PAICS: variants seen among roughly 807,000 people sequenced by gnomAD.
PAICS encodes the protein phosphoribosylaminoimidazole carboxylase and phosphoribosylaminoimidazolesuccinocarboxamide synthase.
PAICS carries 33 observed loss-of-function variants against 53.7 expected under a neutral mutation model. The ratio of observed to expected loss-of-function variants is 0.61; its 90% confidence interval spans 0.47 to 0.82. The LOEUF is 0.82. Ranked by LOEUF, PAICS falls within the 40% of genes least tolerant of loss-of-function variation. The probability of loss-of-function intolerance (pLI) is 0.00; values close to 1 mark genes in which losing one functional copy is unlikely to be tolerated. For missense variants in PAICS, 394 were observed against 494.1 expected (o/e 0.80, Z 1.92); for synonymous variants, 141 against 167.2 (o/e 0.84, Z 1.21).
chr4:56,446,652 T>C (rs1159027770), intron 2 of PAICS, 43 bp from the exon 3 acceptor site: 1 of 1,246,938 alleles, frequency 8.0e-7, no homozygotes, highest in Non-Finnish European at 1.1e-6. Flanking sequence ...CCTTTTTACA[T>C]ATCATTTCAA....
chr4:56,411,683 C>T, the PAICS span, among the ~76,000 whole-genome samples: 1 of 152,166 alleles, frequency 6.6e-6, no homozygotes, highest in African/African-American at 2.4e-5. Context: ...GTAATACCCA[C>T]TATCTGTGTG....
chr4:56,451,647 TTGTC>T (rs1244904135), intron 6 of PAICS, among the ~76,000 whole-genome samples: 15 of 152,290 alleles, frequency 9.8e-5, no homozygotes, highest in African/African-American at 3.1e-4. Flanking sequence ...TTTAAATAAT[TTGTC>T]TGATAAAAAT....
rs1384522348 is a variant in PAICS at position 56,441,747 on chromosome 4, A to G, written c.101A>G (p.Gln34Arg). ...LLDSPGKVLL[Q>R]SKDQITAGNA... ...GACAGTCCAGGAAAAGTCCTCCTGC[A>G]GTCCAAGGACCAGATTACAGCAGGA... is the stretch of plus-strand genomic sequence containing the variant. Residue 34 changes from glutamine (Q) to arginine (R), a missense_variant, in exon 2 of 9, where the codon CAG (glutamine) becomes CGG (arginine). Gln to Arg is a conservative substitution (Grantham distance 43). This residue lies in a region of PAICS where 168 missense variants were observed against 199.3 expected (regional missense o/e 0.84). Coordinates refer to ENST00000512576, the MANE Select transcript of PAICS (RefSeq NM_001079524.2). 6.2e-7 allele frequency: 1 copy of G among 1,605,006 alleles called. No individual in the cohort carries two copies. The highest frequency in any genetic ancestry group is 1.1e-5 in the South Asian group (1 of 89,456).
At chr4:56,428,065 AGTCT>A in the PAICS span, among the ~76,000 whole-genome samples, 2 of 152,230 alleles carry the variant, frequency 1.3e-5, no homozygotes, top group Admixed American at 6.5e-5. Flanking sequence ...TAATGAGAAC[AGTCT>A]GTCTTATAAT....
In PAICS at chr4:56,461,110, G is replaced by C. The variant is rs959171870; in HGVS notation, c.*1572G>C. The C allele has an allele frequency of 1.3e-5, 2 of 152,188 alleles. No individual in the cohort carries two copies. The highest frequency in any genetic ancestry group is 1.3e-4 in the Admixed American group (2 of 15,284). 9.4% of individuals were successfully genotyped at this position (152,188 alleles called of 1,614,324 possible). On this transcript the variant is annotated 3_prime_UTR_variant, in exon 9 of 9. Coordinates refer to ENST00000512576, the MANE Select transcript of PAICS (RefSeq NM_001079524.2). The stretch of plus-strand genomic sequence containing the variant: ...ATTAAGACCTATTTGTTAGCTAGTA[G>C]AGCTTTATGTTCGCTGTCCATGAAA...
chr4:56,444,313 T>G (rs1718487486), intron 2 of PAICS, among the ~76,000 whole-genome samples: 1 of 152,186 alleles, frequency 6.6e-6, no homozygotes, highest in Non-Finnish European at 1.5e-5. Flanking sequence ...ATTTGTGGAT[T>G]TGGTTTTATT....
chr4:56,428,291 T>C, the PAICS span, among the ~76,000 whole-genome samples: 1 of 151,994 alleles, frequency 6.6e-6, no homozygotes, highest in African/African-American at 2.4e-5. Flanking sequence ...ATTATAACAG[T>C]GAGTAACACA....
intron 2 of PAICS, 196 bp from the exon 3 acceptor site, chr4:56,446,498 AT>A: frequency 1.5e-6 from 1 of 678,878 alleles, no homozygotes; most frequent in Non-Finnish European, 2.7e-6. Flanking sequence ...TGAACAATAC[AT>A]TGTATGTATA....
At chr4:56,422,401 A>C in the PAICS span, 1 of 152,172 alleles carries the variant, frequency 6.6e-6, no homozygotes, top group African/African-American at 2.4e-5. Flanking sequence ...AGTCAGTAAT[A>C]AGTCAGAAGA....
At chr4:56,413,505 C>A in the PAICS span, among the ~76,000 whole-genome samples, 2 of 152,152 alleles carry the variant, frequency 1.3e-5, no homozygotes, top group Non-Finnish European at 2.9e-5. Context: ...AATAACTGTA[C>A]TTCACTAGCC....
chr4:56,451,168 C>G (rs986242087), intron 6 of PAICS: 1 of 155,926 alleles, frequency 6.4e-6, no homozygotes, highest in African/African-American at 2.4e-5. Context: ...ATCAGCTGGG[C>G]TATCCTTACT....
chr4:56,462,260 T>G lies in PAICS; in HGVS notation c.*2722T>G, dbSNP rs2110105178. On this transcript the variant is annotated 3_prime_UTR_variant, in exon 9 of 9. Transcript: ENST00000512576. ...TAAGGGAATGGGAAATAAAGCTGAG[T>G]TTTGCCTTGAGGACCTCCAAACATG... 1 of 152,202 alleles carries G rather than the reference T, an allele frequency of 6.6e-6. No homozygotes were observed. Among genetic ancestry groups the G allele is most frequent in the Middle Eastern group, 3.4e-3 (1 of 292 alleles). The allele number at this position is 152,202 out of a possible 1,614,324, so 9.4% of individuals were successfully genotyped here.
chr4:56,423,694 T>C, the PAICS span, among the ~76,000 whole-genome samples: 1 of 151,782 alleles, frequency 6.6e-6, no homozygotes, highest in African/African-American at 2.4e-5. Context: ...GCATGCCAAA[T>C]ATGAAATATT....
chr4:56,444,873 T>C (rs1578150809), intron 2 of PAICS, among the ~76,000 whole-genome samples: 1 of 152,240 alleles, frequency 6.6e-6, no homozygotes, highest in East Asian at 1.9e-4. Flanking sequence ...TCCAGCTTGG[T>C]AGACAAATGA....
At chr4:56,420,336 T>C in the PAICS span, 1 of 152,252 alleles carries the variant, frequency 6.6e-6, no homozygotes, top group Admixed American at 6.5e-5. Context: ...AGGTCAAGTG[T>C]ATAATTTTCC....
At chr4:56,423,237 C>T in the PAICS span, 1 of 152,224 alleles carries the variant, frequency 6.6e-6, no homozygotes, top group African/African-American at 2.4e-5. Flanking sequence ...TTCCTATACT[C>T]CTGGCAAACT....
At position 56,459,504 on chromosome 4, in the gene PAICS, A is replaced by C. The variant is rs1367274954; in HGVS notation, c.1244A>C (p.Gln415Pro). The change falls in exon 9 of 9, where the codon CAG (glutamine) becomes CCG (proline). Residue 415 changes from glutamine (Q) to proline (P), a missense_variant. Gln to Pro is a moderately conservative substitution (Grantham distance 76, BLOSUM62 -1). Around this residue, in one of 3 missense-constraint regions of PAICS, gnomAD observed 95 missense variants for 89.3 expected, o/e 1.06. Coordinates refer to ENST00000512576, the MANE Select transcript of PAICS (RefSeq NM_001079524.2). ...TTGAACACATGGATTTCCTTGAAGC[A>C]GGCTGACAAGAAAATCAGAGAATGT... ...SILNTWISLK[Q>P]ADKKIRECNL 6.3e-7 allele frequency: 1 copy of C among 1,577,796 alleles called. No individual in the cohort carries two copies. The highest frequency in any genetic ancestry group is 8.7e-7 in the Non-Finnish European group (1 of 1,154,548).
the PAICS span, chr4:56,419,835 A>G: frequency 1.0e-6 from 1 of 984,188 alleles, no homozygotes. Flanking sequence ...CAGAGACTGG[A>G]AACAGTGCAG....
intron 1 of PAICS, among the ~76,000 whole-genome samples, chr4:56,437,819 CAAAAAAAAAA>C (rs869109998): frequency 1.4e-4 from 3 of 21,612 alleles, no homozygotes; most frequent in East Asian, 1.0e-3. Context: ...GACTCTGTCT[CAAAAAAAAAA>C]AAAAAAAAAA....
Sources: allele counts gnomAD v4.1 joint callset (sites outside exome capture counted in the v4.1 genomes callset), GRCh38; gene constraint gnomAD v4.1.1; regional missense constraint gnomAD v4.1.1; transcripts MANE v1.5; gene names NCBI Gene and HGNC (gene_info 2026-07-23, HGNC 2026-07-21).